ZNF423: variants seen among roughly 807,000 people sequenced by gnomAD.
The protein encoded by ZNF423 is zinc finger protein 423, also known as Ebf-associated zinc finger protein.
ZNF423 carries 12 observed loss-of-function variants against 95.8 expected under a neutral mutation model. The observed-to-expected ratio is 0.13, with a 90% CI of 0.08 to 0.20. The LOEUF is 0.20. Among genes scored for constraint, ZNF423 ranks in the 10% least tolerant of loss-of-function variants. The pLI is 1.00. For synonymous variants in ZNF423, 749 were observed against 711.9 expected, an observed-to-expected ratio of 1.05 and a Z score of -0.83; for missense variants, 1,316 against 1,737.1, an observed-to-expected ratio of 0.76 and a Z score of 4.31.
intron 2 of ZNF423, among the ~76,000 whole-genome samples, chr16:49,744,280 C>T (rs1023251735): frequency 2.6e-5 from 4 of 152,262 alleles, no homozygotes; most frequent in Admixed American, 2.6e-4. Context: ...GACACGTCTG[C>T]CACAGAGGTC....
intron 1 of ZNF423, among the ~76,000 whole-genome samples, chr16:49,816,582 G>C (rs1055194980): frequency 6.6e-6 from 1 of 152,118 alleles, no homozygotes; most frequent in Non-Finnish European, 1.5e-5. Context: ...GAGCCCAGGA[G>C]TTGCCAGCCT....
chr16:49,583,403 G>T (rs926178430), intron 5 of ZNF423, among the ~76,000 whole-genome samples: 3 of 152,192 alleles, frequency 2.0e-5, no homozygotes, highest in Non-Finnish European at 2.9e-5. Flanking sequence ...GGGAAAAAAA[G>T]TCATGATGGC....
chr16:49,636,291 C>A lies in ZNF423; in HGVS notation c.2885G>T (p.Gly962Val). The A allele has an allele frequency of 6.2e-7, 1 of 1,612,710 alleles. No homozygotes were observed. Among genetic ancestry groups the A allele is most frequent in the Non-Finnish European group, 8.5e-7 (1 of 1,180,024 alleles). ...GGGACACATGTAGTGCTTGGCAGGG[C>A]CCCGGTGCGTCTGCAGGTGCTCCCG... is the stretch of plus-strand genomic sequence containing the variant. ...GLREHLQTHR[G>V]PAKHYMCPIC... The change falls in exon 4 of 8, where the codon GGC (glycine) becomes GTC (valine). Residue 962 changes from glycine (G) to valine (V), a missense_variant. Transcript: ENST00000563137. This position sits in a 1 kb window ranked among gnomAD's most constrained non-coding sequence, Gnocchi z 8.6.
chr16:49,718,504 T>G (rs1458801151), intron 3 of ZNF423, among the ~76,000 whole-genome samples: 1 of 152,230 alleles, frequency 6.6e-6, no homozygotes, highest in Non-Finnish European at 1.5e-5. Context: ...CTTGTTCCTT[T>G]GAGTGCCTGG....
chr16:49,576,559 CCG>C (rs1486054158), intron 5 of ZNF423, among the ~76,000 whole-genome samples: 7 of 152,236 alleles, frequency 4.6e-5, no homozygotes, highest in African/African-American at 1.4e-4. Flanking sequence ...CCACTGCAGT[CCG>C]TAGCTCAAGG....
At position 49,635,807 on chromosome 16, in the gene ZNF423, C is replaced by A; in HGVS notation, c.3369G>T (p.Arg1123=). ...GGLAPPEPAD[R]PCAGLRCPEC... is the part of the protein sequence containing the mutation. ...CGGGGCAACGGAGGCCGGCACAGGG[C>A]CGGTCGGCGGGCTCGGGCGGGGCCA... is the stretch of plus-strand genomic sequence containing the variant. The change falls in exon 4 of 8, where the codon CGG becomes CGT. Residue 1123 remains arginine, a synonymous_variant. Coordinates refer to ENST00000563137, the MANE Select transcript of ZNF423 (RefSeq NM_001379286.1). The surrounding 1 kb of genome is among the most constrained non-coding windows in gnomAD (Gnocchi z 4.8). The A allele has an allele frequency of 6.2e-7, 1 of 1,611,054 alleles. No individual in the cohort carries two copies. The highest frequency in any genetic ancestry group is 1.3e-5 in the African/African-American group (1 of 74,982).
In ZNF423 at chr16:49,635,696, C is replaced by T; in HGVS notation, c.3480G>A (p.Gly1160=). 2 of 1,595,550 alleles carry T rather than the reference C, an allele frequency of 1.3e-6. No homozygotes were observed. Among genetic ancestry groups the T allele is most frequent in the Non-Finnish European group, 1.7e-6 (2 of 1,172,852 alleles). ...GCGATGTCTGGGTGCCTTTCCGGGG[C>T]CCACTGGTCTCCGGCGTGAGGTCAC... ...DHRDLTPETS[G]PRKGTQTSPV... Residue 1160 remains glycine (G), a synonymous_variant, in exon 4 of 8, where the codon GGG becomes GGA. Transcript: ENST00000563137. The surrounding 1 kb of genome is among the most constrained non-coding windows in gnomAD (Gnocchi z 4.8).
chr16:49,703,698 T>C (rs1395942459), intron 3 of ZNF423, among the ~76,000 whole-genome samples: 2 of 152,240 alleles, frequency 1.3e-5, no homozygotes, highest in African/African-American at 4.8e-5. Context: ...CAAGGGTGGA[T>C]CCGGCTCTGC....
At chr16:49,809,711 C>G (rs1471255074) in intron 1 of ZNF423, among the ~76,000 whole-genome samples, 1 of 152,230 alleles carries the variant, frequency 6.6e-6, no homozygotes. Context: ...GTTAGCACAG[C>G]TGGTAAAAGC....
rs529292733 is a variant in ZNF423 at position 49,781,141 on chromosome 16, G to A, written c.100+8346C>T. 2.6e-5 allele frequency among the ~76,000 whole-genome samples: 4 copies of A among 152,302 alleles called. No individual in the cohort carries two copies. In the East Asian group the frequency reaches 5.8e-4, roughly 22 times the overall value. On this transcript the variant is annotated intron_variant, in intron 2 of 7. Transcript: ENST00000563137. ...GGGGAGCAATGGACAGAGAAGAGGG[G>A]AACAGTCTCTCCAGCCTTGATTTGG...
At chr16:49,521,510 C>T (rs1968394794) in intron 7 of ZNF423, among the ~76,000 whole-genome samples, 1 of 152,166 alleles carries the variant, frequency 6.6e-6, no homozygotes. Flanking sequence ...GCCTAGCTGT[C>T]GCCCCACACA....
chr16:49,736,946 G>A (rs978504518), intron 2 of ZNF423, among the ~76,000 whole-genome samples: 2 of 152,218 alleles, frequency 1.3e-5, no homozygotes, highest in Non-Finnish European at 2.9e-5. Flanking sequence ...CTAGAGGGAA[G>A]GAGCAGCAGA....
intron 2 of ZNF423, among the ~76,000 whole-genome samples, chr16:49,738,179 C>G (rs560616947): frequency 5.3e-4 from 80 of 152,344 alleles, no homozygotes; most frequent in Non-Finnish European, 9.7e-4. Context: ...TTTGCTGCAA[C>G]ATACGGGGTG....
chr16:49,743,946 C>A (rs1211898156), intron 2 of ZNF423, among the ~76,000 whole-genome samples: 1 of 152,166 alleles, frequency 6.6e-6, no homozygotes, highest in Non-Finnish European at 1.5e-5. Flanking sequence ...TGCTATCCCA[C>A]CCCAGGAGGA....
At chr16:49,760,144 G>T (rs559020977) in intron 2 of ZNF423, among the ~76,000 whole-genome samples, 1 of 139,914 alleles carries the variant, frequency 7.1e-6, no homozygotes, top group Non-Finnish European at 1.5e-5. Context: ...TGGATGGGTG[G>T]GTGGGGTGGG....
At chr16:49,663,010 T>C (rs990461857) in intron 3 of ZNF423, among the ~76,000 whole-genome samples, 1 of 152,070 alleles carries the variant, frequency 6.6e-6, no homozygotes, top group Non-Finnish European at 1.5e-5. Flanking sequence ...ACCTCTCTGG[T>C]CTTGGTTTCG....
intron 3 of ZNF423, among the ~76,000 whole-genome samples, chr16:49,684,991 G>A (rs1303122360): frequency 6.6e-6 from 1 of 152,186 alleles, no homozygotes; most frequent in Non-Finnish European, 1.5e-5. Context: ...ACCGGCTGAT[G>A]GCTGTCCTCA....
At chr16:49,543,720 C>T (rs1204312728) in intron 5 of ZNF423, among the ~76,000 whole-genome samples, 1 of 152,200 alleles carries the variant, frequency 6.6e-6, no homozygotes, top group Non-Finnish European at 1.5e-5. Context: ...GAGCCTATGT[C>T]CAGCTGGCCC....
chr16:49,515,758 C>A (rs1413955020), intron 7 of ZNF423, among the ~76,000 whole-genome samples: 1 of 152,200 alleles, frequency 6.6e-6, no homozygotes, highest in Admixed American at 6.5e-5. Context: ...ATGCACGCAT[C>A]CCCACAGTGA....
Sources: allele counts gnomAD v4.1 joint callset (sites outside exome capture counted in the v4.1 genomes callset), GRCh38; gene constraint gnomAD v4.1.1; non-coding constraint Gnocchi (gnomAD v3.1); transcripts MANE v1.5; gene names NCBI Gene and HGNC (gene_info 2026-07-23, HGNC 2026-07-21).